PAAF1: variants seen among roughly 807,000 people sequenced by gnomAD.
PAAF1 encodes proteasomal ATPase associated factor 1.
PAAF1 carries 46 observed loss-of-function variants against 52.8 expected under a neutral mutation model. The observed-to-expected ratio is 0.87, with a 90% confidence interval of 0.69 to 1.11. The LOEUF is 1.11. Among genes scored for constraint, PAAF1 ranks in the 50% most tolerant of loss-of-function variants. The probability of loss-of-function intolerance (pLI) is 0.00; values close to 1 mark genes in which losing one functional copy is unlikely to be tolerated. For missense variants in PAAF1, 424 were observed against 477.4 expected (o/e 0.89, Z 1.04); for synonymous variants, 178 against 172.8 (o/e 1.03, Z -0.24).
In PAAF1 at chr11:73,914,500, A is replaced by G. The variant is rs1430551863; in HGVS notation, c.815A>G (p.Gln272Arg). ...KLQCLGLQSR[Q>R]LVFLFIGSDA... Reference sequence around the variant, plus strand: ...CAGTGCTTGGGACTACAGAGCAGGCAGCTGGCAAGTGGTTCCTATATGACC... The same window carrying G: ...CAGTGCTTGGGACTACAGAGCAGGCGGCTGGCAAGTGGTTCCTATATGACC... The change falls in exon 8 of 12, where the codon CAG becomes CGG. Residue 272 changes from glutamine to arginine, a missense_variant. By Grantham distance (43) the Gln-to-Arg change is conservative. Transcript: ENST00000310571. 1 of 1,613,976 alleles carries G rather than the reference A, an allele frequency of 6.2e-7. No homozygotes were observed. Among genetic ancestry groups the G allele is most frequent in the East Asian group, 2.2e-5 (1 of 44,872 alleles).
upstream of PAAF1, chr11:73,876,767 G>A (rs1334250798): frequency 1.6e-5 from 6 of 369,834 alleles, no homozygotes; most frequent in Non-Finnish European, 2.9e-5. Context: ...CGAACAGGTG[G>A]GAGAAGAGGG....
rs190885434 is a variant in PAAF1 at position 73,900,764 on chromosome 11, C to G, written c.532+344C>G. On this transcript the variant is annotated intron_variant, in intron 6 of 11. Coordinates refer to ENST00000310571, the MANE Select transcript of PAAF1 (RefSeq NM_025155.3). The stretch of plus-strand genomic sequence containing the variant: ...TTGGGAGGCCGAGGCGGGCGGATCA[C>G]GAGGTCAGGAGATGGAGACCATCCC... Among the ~76,000 whole-genome samples the G allele has an allele frequency of 2.6e-3, 400 of 151,996 alleles. 12 individuals are homozygous for G. The East Asian group carries it at 0.071, about 27-fold the overall frequency.
rs1268761670 is a variant in PAAF1 at position 73,879,947 on chromosome 11, C to G, written c.88+1128C>G. 3 of 151,692 alleles carry G rather than the reference C, an allele frequency of 2.0e-5. No individual in the cohort carries two copies. In the East Asian group the frequency reaches 5.8e-4, roughly 29 times the overall value. The allele number at this position is 151,692 out of a possible 1,614,324, so 9.4% of individuals were successfully genotyped here. On this transcript the variant is annotated intron_variant, in intron 2 of 11. Transcript: ENST00000310571. Reference sequence around the variant, plus strand: ...TATAGTGCTGTGACTTGCCAATCATCTTAAAAATAAGGCCAGACGTGGGGG... The same window carrying G: ...TATAGTGCTGTGACTTGCCAATCATGTTAAAAATAAGGCCAGACGTGGGGG...
At position 73,877,340 on chromosome 11, in the gene PAAF1, A is replaced by C. The variant is rs76764350; in HGVS notation, c.47+272A>C. On this transcript the variant is annotated intron_variant, in intron 1 of 11. Transcript: ENST00000310571. ...GAGAAAGACAGGGATACTGGGAGGCAGGAAGGCTTTTGGCCAAGCAGTCAT... is the reference window on the plus strand; with the variant it reads ...GAGAAAGACAGGGATACTGGGAGGCCGGAAGGCTTTTGGCCAAGCAGTCAT... 426 of 327,348 alleles carry C rather than the reference A, an allele frequency of 1.3e-3. 6 individuals are homozygous for C. In the East Asian group the frequency reaches 0.02, roughly 16 times the overall value. The allele number at this position is 327,348 out of a possible 1,614,324, so 20.3% of individuals were successfully genotyped here.
At chr11:73,912,604 A>G (rs1290917984) in intron 7 of PAAF1, among the ~76,000 whole-genome samples, 2 of 152,098 alleles carry the variant, frequency 1.3e-5, no homozygotes, top group Non-Finnish European at 2.9e-5. Flanking sequence ...CTATTCTCCT[A>G]TAAGCCATTC....
rs1949561900 is a variant in PAAF1 at position 73,900,346 on chromosome 11, G to T, written c.458G>T (p.Gly153Val). 10 of 1,612,924 alleles carry T rather than the reference G, an allele frequency of 6.2e-6. No individual in the cohort carries two copies. Among genetic ancestry groups the T allele is most frequent in the Non-Finnish European group, 8.5e-6 (10 of 1,179,232 alleles). The change falls in exon 6 of 12, where the codon GGA (glycine) becomes GTA (valine). Residue 153 changes from glycine to valine, a missense_variant. Physicochemically the swap from Gly to Val is moderately radical, Grantham distance 109. Transcript: ENST00000310571. The stretch of plus-strand genomic sequence containing the variant: ...TCAGGCCTTGTGGTCCTGAGTGGGG[G>T]AATGGATGCCCAGCTGAAGATATGG... ...FPSGLVVLSG[G>V]MDAQLKIWSA...
intron 7 of PAAF1, among the ~76,000 whole-genome samples, chr11:73,911,014 A>G (rs1949915304): frequency 6.7e-6 from 1 of 148,740 alleles, no homozygotes; most frequent in Non-Finnish European, 1.5e-5. Context: ...AAAAAAAAGT[A>G]CAGGGAGTTC....
At chr11:73,908,345 A>ATG (rs1399639077) in intron 6 of PAAF1, among the ~76,000 whole-genome samples, 10 of 146,008 alleles carry the variant, frequency 6.8e-5, no homozygotes, top group African/African-American at 1.3e-4. Flanking sequence ...ATGTGTATAT[A>ATG]TGTGTATATA....
chr11:73,912,542 G>A (rs527912511), intron 7 of PAAF1, among the ~76,000 whole-genome samples: 1 of 151,770 alleles, frequency 6.6e-6, no homozygotes, highest in East Asian at 1.9e-4. Flanking sequence ...CCTTCCTCCT[G>A]TCAACATCTG....
intron 3 of PAAF1, among the ~76,000 whole-genome samples, chr11:73,889,605 T>G (rs1401441004): frequency 6.6e-6 from 1 of 152,238 alleles, no homozygotes; most frequent in Non-Finnish European, 1.5e-5. Flanking sequence ...AAGTACTGAT[T>G]ATTGAAATCT....
intron 4 of PAAF1, among the ~76,000 whole-genome samples, chr11:73,897,449 G>A (rs1419954213): frequency 1.3e-5 from 2 of 148,378 alleles, no homozygotes; most frequent in South Asian, 2.1e-4. Context: ...CCAGGCAGAG[G>A]GTCTCCTCAC....
In PAAF1 at chr11:73,927,677, C is replaced by T; in HGVS notation, c.*315C>T. 1 of 371,004 alleles carries T rather than the reference C, an allele frequency of 2.7e-6. No individual in the cohort carries two copies. The highest frequency in any genetic ancestry group is 4.9e-6 in the Non-Finnish European group (1 of 202,896). 23.0% of individuals were successfully genotyped at this position (371,004 alleles called of 1,614,324 possible). ...AGTTTTGTTAAATGTTTACAAGGAC[C>T]TCAGTACTAAAGCCTGTTCTCTGGA... On this transcript the variant is annotated 3_prime_UTR_variant, in exon 12 of 12. Coordinates refer to ENST00000310571, the MANE Select transcript of PAAF1 (RefSeq NM_025155.3).
At position 73,930,380 on chromosome 11, in the gene PAAF1, A is replaced by C. The variant is rs1487520720; in HGVS notation, c.*3018A>C. On this transcript the variant is annotated 3_prime_UTR_variant, in exon 12 of 12. Coordinates refer to ENST00000310571, the MANE Select transcript of PAAF1 (RefSeq NM_025155.3). ...GCGAGGCTCTATCTCAAGAAAAAAA[A>C]AAAGAAAAAAAGAAAACAGGAAGAA... 4.6e-5 allele frequency: 7 copies of C among 151,934 alleles called. No individual in the cohort carries two copies. Among genetic ancestry groups the C allele is most frequent in the Admixed American group, 4.6e-4 (7 of 15,220 alleles). The allele number at this position is 151,934 out of a possible 1,614,324, so 9.4% of individuals were successfully genotyped here.
At position 73,927,519 on chromosome 11, in the gene PAAF1, T is replaced by G; in HGVS notation, c.*157T>G. ...CAGCTGTACTGGCCGTGTGGAACTC[T>G]CATCCCAAGACCTACTTTGAACTGA... On this transcript the variant is annotated 3_prime_UTR_variant, in exon 12 of 12. Coordinates refer to ENST00000310571, the MANE Select transcript of PAAF1 (RefSeq NM_025155.3). 1.5e-6 allele frequency: 1 copy of G among 651,426 alleles called. No homozygotes were observed. The highest frequency in any genetic ancestry group is 2.7e-6 in the Non-Finnish European group (1 of 369,482). The allele number at this position is 651,426 out of a possible 1,614,324, so 40.4% of individuals were successfully genotyped here.
intron 2 of PAAF1, among the ~76,000 whole-genome samples, chr11:73,882,418 T>A (rs1469277131): frequency 2.0e-5 from 3 of 150,700 alleles, no homozygotes; most frequent in Admixed American, 1.3e-4. Context: ...TTTCTGTGTG[T>A]GTTTATTTTT....
At chr11:73,907,081 C>CTT (rs371142167) in intron 6 of PAAF1, among the ~76,000 whole-genome samples, 1 of 144,612 alleles carries the variant, frequency 6.9e-6, no homozygotes, top group Non-Finnish European at 1.5e-5. Context: ...TATTTTTTCT[C>CTT]TTTTTTTTTT....
At position 73,927,700 on chromosome 11, in the gene PAAF1, G is replaced by A; in HGVS notation, c.*338G>A. Reference sequence around the variant, plus strand: ...ACCTCAGTACTAAAGCCTGTTCTCTGGAGGAAATAAAGAAAATATGTTTGG... The same window carrying A: ...ACCTCAGTACTAAAGCCTGTTCTCTAGAGGAAATAAAGAAAATATGTTTGG... On this transcript the variant is annotated 3_prime_UTR_variant, in exon 12 of 12. Coordinates refer to ENST00000310571, the MANE Select transcript of PAAF1 (RefSeq NM_025155.3). The A allele has an allele frequency of 7.9e-6, 2 of 253,458 alleles. No homozygotes were observed. Among genetic ancestry groups the A allele is most frequent in the South Asian group, 2.0e-4 (2 of 9,874 alleles). The allele number at this position is 253,458 out of a possible 1,614,324, so 15.7% of individuals were successfully genotyped here. A position where few individuals can be genotyped will look rare whatever the true frequency, so the allele number is the denominator to read the frequency against.
At position 73,927,421 on chromosome 11, in the gene PAAF1, A is replaced by G. The variant is rs1950393576; in HGVS notation, c.*59A>G. On this transcript the variant is annotated 3_prime_UTR_variant, in exon 12 of 12. Coordinates refer to ENST00000310571, the MANE Select transcript of PAAF1 (RefSeq NM_025155.3). ...GGTTTGACCCTGATCAACAATGAGC[A>G]GAAACATCATCAGTCCTTCCCAAGG... 2.9e-6 allele frequency: 4 copies of G among 1,371,424 alleles called. No individual in the cohort carries two copies. In the South Asian group the frequency reaches 4.7e-5, roughly 16 times the overall value. 85.0% of individuals were successfully genotyped at this position (1,371,424 alleles called of 1,614,324 possible).
chr11:73,894,364 T>G (rs4362170), intron 4 of PAAF1, among the ~76,000 whole-genome samples: 58,223 of 151,894 alleles, frequency 0.38, 12,747 homozygotes, highest in African/African-American at 0.61. Flanking sequence ...AATAGGCTGG[T>G]TGTAGTGGCT....
Sources: gnomAD v4.1 joint callset for allele counts (sites outside exome capture counted in the v4.1 genomes callset) on GRCh38, gnomAD v4.1.1 for gene constraint, MANE v1.5 for transcripts, NCBI Gene and HGNC (gene_info 2026-07-23, HGNC 2026-07-21) for gene names.